ABCG8: variants seen among roughly 807,000 people sequenced by gnomAD.
ABCG8 encodes the protein ATP binding cassette subfamily G member 8.
In ABCG8, 81 loss-of-function variants were observed where a neutral mutation model predicts 71.3. The ratio of observed to expected loss-of-function variants is 1.14; its 90% CI spans 0.95 to 1.37. ABCG8 has a LOEUF of 1.37. ABCG8 is among the 40% of genes most tolerant of loss of function. The probability of loss-of-function intolerance (pLI) is 0.00; values close to 1 mark genes in which losing one functional copy is unlikely to be tolerated. For synonymous variants in ABCG8, 451 were observed against 354.7 expected, an observed-to-expected ratio of 1.27 and a Z score of -3.05; for missense variants, 1,119 against 866.2, an observed-to-expected ratio of 1.29 and a Z score of -3.66.
chr2:43,867,557 G>A (rs1335581236), intron 6 of ABCG8, among the ~76,000 whole-genome samples: 2 of 151,066 alleles, frequency 1.3e-5, no homozygotes, highest in African/African-American at 4.9e-5. Context: ...CTCACTATCT[G>A]TCCAGATAGA....
At chr2:43,846,520 G>C in intron 3 of ABCG8, 2 of 666,290 alleles carry the variant, frequency 3.0e-6, no homozygotes, top group Non-Finnish European at 2.6e-6. Context: ...CTGTTGTTAA[G>C]AGTCATGAGT....
chr2:43,852,284 T>G, intron 4 of ABCG8, 70 bp from the exon 5 acceptor site: 2 of 1,608,664 alleles, frequency 1.2e-6, no homozygotes, highest in Non-Finnish European at 1.7e-6. Flanking sequence ...GCCTTTATCC[T>G]TGGGGTCACA....
At position 43,875,189 on chromosome 2, in the gene ABCG8, A is replaced by C. The variant is rs1231260212; in HGVS notation, c.1532A>C (p.Tyr511Ser). The C allele has an allele frequency of 6.2e-7, 1 of 1,614,174 alleles. No homozygotes were observed. ...LPEHCAYIII[Y>S]GMPTYWLANL... ...GAGCACTGTGCCTACATCATCATCT[A>C]CGGGATGCCCACCTACTGGCTGGCC... The change falls in exon 11 of 13, where the codon TAC (tyrosine) becomes TCC (serine). Residue 511 changes from tyrosine (Y) to serine (S), a missense_variant. Coordinates refer to ENST00000272286, the MANE Select transcript of ABCG8 (RefSeq NM_022437.3).
chr2:43,860,629 A>G (rs963232546), intron 6 of ABCG8, among the ~76,000 whole-genome samples: 3 of 148,376 alleles, frequency 2.0e-5, no homozygotes, highest in South Asian at 2.2e-4. Flanking sequence ...CTCACTACCT[A>G]TCTGGATAGA....
At chr2:43,866,190 C>T (rs557662333) in intron 6 of ABCG8, among the ~76,000 whole-genome samples, 2 of 151,724 alleles carry the variant, frequency 1.3e-5, no homozygotes, top group East Asian at 3.9e-4. Flanking sequence ...ATACAAAAAT[C>T]AATTCAAGAT....
At chr2:43,853,832 A>G (rs978010738) in intron 6 of ABCG8, among the ~76,000 whole-genome samples, 2 of 152,198 alleles carry the variant, frequency 1.3e-5, no homozygotes, top group Admixed American at 1.3e-4. Context: ...CTCCTCGTCC[A>G]GCAGCCCACA....
At chr2:43,843,423 T>A (rs1668642499) in intron 1 of ABCG8, among the ~76,000 whole-genome samples, 1 of 152,186 alleles carries the variant, frequency 6.6e-6, no homozygotes, top group African/African-American at 2.4e-5. Context: ...ACGAGGTGGT[T>A]CACCCTTGTA....
chr2:43,872,104 ACG>A lies in ABCG8; in HGVS notation c.1094_1095del (p.Thr365LysfsTer4). On this transcript the variant is annotated frameshift_variant, in exon 7 of 13. Coordinates refer to ENST00000272286, the MANE Select transcript of ABCG8 (RefSeq NM_022437.3). LOFTEE classifies it high-confidence loss of function. ...AGATGACTTTCTATGGAAAGCAGAG[ACG>A]AAGGATCTTGACGAGGACACCTGTG... ...DLDDFLWKAE[T>X]KDLDEDTCVE... The A allele has an allele frequency of 6.2e-7, 1 of 1,614,142 alleles. No individual in the cohort carries two copies. The highest frequency in any genetic ancestry group is 8.5e-7 in the Non-Finnish European group (1 of 1,180,048).
chr2:43,850,779 A>G (rs1411740941), intron 3 of ABCG8, among the ~76,000 whole-genome samples: 1 of 151,962 alleles, frequency 6.6e-6, no homozygotes, highest in East Asian at 1.9e-4. Context: ...CGGGCATGGT[A>G]GCGCCTGTAA....
At chr2:43,846,134 C>A (rs1017840707) in intron 2 of ABCG8, 21 bp from the exon 3 acceptor site, 3 of 1,612,398 alleles carry the variant, frequency 1.9e-6, no homozygotes, top group African/African-American at 1.3e-5. Flanking sequence ...CTCTAAGGAA[C>A]CTTCTGATAT....
chr2:43,857,377 G>A (rs767147654), intron 6 of ABCG8, among the ~76,000 whole-genome samples: 1 of 150,090 alleles, frequency 6.7e-6, no homozygotes, highest in Non-Finnish European at 1.5e-5. Flanking sequence ...CTGACCATCT[G>A]GATAGAACTC....
Position 43,879,189 on chromosome 2 carries a change from C to T in ABCG8, c.*1276C>T, listed in dbSNP as rs1171961709. 2 of 152,416 alleles carry T rather than the reference C, an allele frequency of 1.3e-5. No individual in the cohort carries two copies. The highest frequency in any genetic ancestry group is 4.8e-5 in the African/African-American group (2 of 41,446). 9.4% of individuals were successfully genotyped at this position (152,416 alleles called of 1,614,324 possible). A position where few individuals can be genotyped will look rare whatever the true frequency, so the allele number is the denominator to read the frequency against. On this transcript the variant is annotated 3_prime_UTR_variant, in exon 13 of 13. Coordinates refer to ENST00000272286, the MANE Select transcript of ABCG8 (RefSeq NM_022437.3). Reference sequence around the variant, plus strand: ...GGCCAGAGGATGGGGAGGCAGAGGCCCAGGTTGCACACTTCTTGCCTGAGT... The same window carrying T: ...GGCCAGAGGATGGGGAGGCAGAGGCTCAGGTTGCACACTTCTTGCCTGAGT...
At chr2:43,875,634 C>T (rs1345238944) in intron 11 of ABCG8, among the ~76,000 whole-genome samples, 2 of 152,200 alleles carry the variant, frequency 1.3e-5, no homozygotes, top group East Asian at 1.9e-4. Context: ...ATCCAGAAGT[C>T]GCCCTTGACT....
intron 8 of ABCG8, among the ~76,000 whole-genome samples, chr2:43,873,379 A>G (rs1457217559): frequency 6.6e-6 from 1 of 151,640 alleles, no homozygotes; most frequent in East Asian, 1.9e-4. Flanking sequence ...TTTAGTAGAG[A>G]TGGAGTTTCT....
intron 2 of ABCG8, 117 bp downstream of exon 2, chr2:43,844,725 TC>T: frequency 1.3e-6 from 1 of 756,470 alleles, no homozygotes. Flanking sequence ...AAGGACAGAG[TC>T]CAGTCCACAT....
At chr2:43,849,636 A>G (rs768805501) in intron 3 of ABCG8, among the ~76,000 whole-genome samples, 1 of 152,162 alleles carries the variant, frequency 6.6e-6, no homozygotes, top group African/African-American at 2.4e-5. Context: ...CCGCTCTCAC[A>G]AAGTTTTGCT....
In ABCG8 at chr2:43,880,166, A is replaced by ATTTTTTTTT; in HGVS notation, c.*2259_*2260insTTTTTTTTT. ...TGAAACAACCAAGAGTTTCAGGCTCATTTTTTGTTTTGTTTTTTTTTTTTT... is the reference window on the plus strand; with the variant it reads ...TGAAACAACCAAGAGTTTCAGGCTCATTTTTTTTTTTTTTTGTTTTGTTTTTTTTTTTTT... On this transcript the variant is annotated 3_prime_UTR_variant, in exon 13 of 13. Coordinates refer to ENST00000272286, the MANE Select transcript of ABCG8 (RefSeq NM_022437.3). 1 of 102,536 alleles carries ATTTTTTTTT rather than the reference A, an allele frequency of 9.8e-6. No individual in the cohort carries two copies. The highest frequency in any genetic ancestry group is 1.1e-4 in the Admixed American group (1 of 9,014). 6.4% of individuals were successfully genotyped at this position (102,536 alleles called of 1,614,324 possible). A position where few individuals can be genotyped will look rare whatever the true frequency, so the allele number is the denominator to read the frequency against.
At chr2:43,860,939 T>A (rs1334863058) in intron 6 of ABCG8, among the ~76,000 whole-genome samples, 1 of 151,532 alleles carries the variant, frequency 6.6e-6, no homozygotes, top group African/African-American at 2.4e-5. Flanking sequence ...GATAGAACTC[T>A]CACTATATAT....
chr2:43,849,489 A>T (rs959326180), intron 3 of ABCG8, among the ~76,000 whole-genome samples: 4 of 152,140 alleles, frequency 2.6e-5, no homozygotes, highest in African/African-American at 4.8e-5. Flanking sequence ...TTTATGATCC[A>T]ATCACCTCCC....
Sources: allele counts gnomAD v4.1 joint callset (sites outside exome capture counted in the v4.1 genomes callset), GRCh38; gene constraint gnomAD v4.1.1; transcripts MANE v1.5; gene names NCBI Gene and HGNC (gene_info 2026-07-23, HGNC 2026-07-21).